ANO6: variants seen among roughly 807,000 people sequenced by gnomAD.
ANO6 encodes the protein anoctamin 6.
Under a neutral mutation model 117.5 loss-of-function variants are expected in ANO6, and 106 were observed. That is an observed-to-expected ratio of 0.90 (90% CI 0.77 to 1.06). ANO6 has a LOEUF of 1.06. Among genes scored for constraint, ANO6 ranks in the 50% least tolerant of loss-of-function variants. The pLI is 0.00. For synonymous variants in ANO6, 367 were observed against 385.1 expected (o/e 0.95, Z 0.55); for missense variants, 955 against 1,121.1 (o/e 0.85, Z 2.12).
At chr12:45,286,546 A>C (rs1938922003) in intron 1 of ANO6, among the ~76,000 whole-genome samples, 1 of 152,224 alleles carries the variant, frequency 6.6e-6, no homozygotes, top group Non-Finnish European at 1.5e-5. Flanking sequence ...TCAGTATTAG[A>C]CCAAATTTAC....
chr12:45,287,364 C>T (rs994328654), intron 1 of ANO6, among the ~76,000 whole-genome samples: 1 of 152,190 alleles, frequency 6.6e-6, no homozygotes, highest in African/African-American at 2.4e-5. Context: ...ATGCAAAATA[C>T]CTAACTTCTC....
chr12:45,277,313 T>A (rs561091401), intron 1 of ANO6, among the ~76,000 whole-genome samples: 82 of 152,354 alleles, frequency 5.4e-4, no homozygotes, highest in African/African-American at 1.9e-3. Flanking sequence ...ATATTATTAG[T>A]TTTTCATATA....
At chr12:45,252,057 T>C (rs532688779) in intron 1 of ANO6, among the ~76,000 whole-genome samples, 1 of 152,322 alleles carries the variant, frequency 6.6e-6, no homozygotes, top group South Asian at 2.1e-4. Flanking sequence ...AATACTGTGA[T>C]CTTGAAAAGT....
At chr12:45,354,009 C>G (rs543327830) in intron 7 of ANO6, among the ~76,000 whole-genome samples, 1 of 151,978 alleles carries the variant, frequency 6.6e-6, no homozygotes, top group African/African-American at 2.4e-5. Flanking sequence ...CAGGCCGGTA[C>G]AATGTATAAA....
intron 1 of ANO6, among the ~76,000 whole-genome samples, chr12:45,243,636 G>A (rs761924705): frequency 6.6e-6 from 1 of 151,768 alleles, no homozygotes; most frequent in Non-Finnish European, 1.5e-5. Flanking sequence ...TGCAACCTCC[G>A]CCTCCTGGGT....
intron 1 of ANO6, among the ~76,000 whole-genome samples, chr12:45,222,255 G>A (rs1033217716): frequency 1.3e-5 from 2 of 151,996 alleles, no homozygotes; most frequent in African/African-American, 4.8e-5. Context: ...CCGCCTCCCG[G>A]GTTCAAGTTA....
intron 1 of ANO6, among the ~76,000 whole-genome samples, chr12:45,237,627 G>C (rs1402817612): frequency 6.6e-5 from 10 of 152,056 alleles, no homozygotes; most frequent in South Asian, 2.1e-4. Context: ...GTTACTGTAG[G>C]CTTGTAGTAT....
chr12:45,401,682 T>C (rs931423837), intron 12 of ANO6, 113 bp from the exon 13 acceptor site: 2 of 884,342 alleles, frequency 2.3e-6, no homozygotes, highest in African/African-American at 1.6e-5. Context: ...GTATCACTTA[T>C]GTGAGATTTA....
chr12:45,312,399 G>A (rs534968129), intron 2 of ANO6, among the ~76,000 whole-genome samples: 29 of 152,074 alleles, frequency 1.9e-4, no homozygotes, highest in Non-Finnish European at 3.4e-4. Flanking sequence ...GAACTTGGTG[G>A]GCATGTACAC....
At chr12:45,363,310 T>C (rs1022186673) in intron 8 of ANO6, among the ~76,000 whole-genome samples, 1 of 152,150 alleles carries the variant, frequency 6.6e-6, no homozygotes, top group African/African-American at 2.4e-5. Context: ...ACGCCTGTAA[T>C]CCCACAACTT....
chr12:45,246,163 A>T (rs531619214), intron 1 of ANO6, among the ~76,000 whole-genome samples: 12 of 152,318 alleles, frequency 7.9e-5, no homozygotes, highest in African/African-American at 2.9e-4. Flanking sequence ...TTCAGTTTAT[A>T]CCGGGGCTCA....
At chr12:45,235,458 C>T (rs1378784814) in intron 1 of ANO6, among the ~76,000 whole-genome samples, 1 of 152,120 alleles carries the variant, frequency 6.6e-6, no homozygotes, top group African/African-American at 2.4e-5. Flanking sequence ...ATGTTTACTG[C>T]AATGTGGGAA....
chr12:45,360,123 G>C (rs1941516515), intron 8 of ANO6, among the ~76,000 whole-genome samples: 5 of 152,222 alleles, frequency 3.3e-5, no homozygotes, highest in Admixed American at 3.3e-4. Context: ...TTATTGTTGA[G>C]TTGTAAGCAT....
chr12:45,292,051 AAAC>A (rs147892255), intron 1 of ANO6, among the ~76,000 whole-genome samples: 2 of 152,358 alleles, frequency 1.3e-5, no homozygotes, highest in Admixed American at 6.5e-5. Context: ...CAAAAGGTGG[AAAC>A]AACACCCGTG....
chr12:45,402,026 G>C lies in ANO6; in HGVS notation c.1612+6G>C, dbSNP rs569920324. 3.7e-6 allele frequency: 6 copies of C among 1,608,920 alleles called. No homozygotes were observed. In the East Asian group the frequency reaches 1.3e-4, roughly 36 times the overall value. ...AATTATGATTACTAACTTCGGTAAG[G>C]TCCTACTATAGCTTAGGTAACTTCT... On this transcript the variant is annotated splice_donor_region_variant and intron_variant, in intron 13 of 19. Transcript: ENST00000320560.
In ANO6 at chr12:45,225,978, A is replaced by G. The variant is rs148119362; in HGVS notation, c.70+9587A>G. ...GATTGAAGGAATTTTATTCAGCCAA[A>G]TGATTGTCTTATGACATTATTTTTT... On this transcript the variant is annotated intron_variant, in intron 1 of 19. Coordinates refer to ENST00000320560, the MANE Select transcript of ANO6 (RefSeq NM_001025356.3). Among the ~76,000 whole-genome samples the G allele has an allele frequency of 3.4e-3, 514 of 152,352 alleles. 3 individuals are homozygous for G. Among genetic ancestry groups the G allele is most frequent in the African/African-American group, 0.011 (465 of 41,582 alleles).
At chr12:45,346,893 CA>C (rs1267441578) in intron 3 of ANO6, 128 bp from the exon 4 acceptor site, 3 of 798,376 alleles carry the variant, frequency 3.8e-6, no homozygotes, top group Non-Finnish European at 4.2e-6. Context: ...TTTGCTTGAC[CA>C]AATGCTGATG....
intron 6 of ANO6, among the ~76,000 whole-genome samples, chr12:45,350,366 G>T (rs1215110196): frequency 6.6e-6 from 1 of 152,092 alleles, no homozygotes. Flanking sequence ...GTGTAGGACT[G>T]CCCCACTTAA....
At chr12:45,221,970 C>G (rs1198956610) in intron 1 of ANO6, among the ~76,000 whole-genome samples, 2 of 150,954 alleles carry the variant, frequency 1.3e-5, no homozygotes, top group African/African-American at 4.9e-5. Context: ...CAAGCTCCGC[C>G]TCTTGGATTC....
Sources: gnomAD v4.1 joint callset for allele counts (sites outside exome capture counted in the v4.1 genomes callset) on GRCh38, gnomAD v4.1.1 for gene constraint, MANE v1.5 for transcripts, NCBI Gene and HGNC (gene_info 2026-07-23, HGNC 2026-07-21) for gene names.